Variants in KCNQ3 observed in about 807,000 individuals in gnomAD.
KCNQ3 encodes potassium voltage-gated channel subfamily Q member 3, also known as potassium voltage-gated channel subfamily KQT member 3.
A neutral mutation model predicts 92.5 loss-of-function variants in KCNQ3; 30 were observed. That is an observed-to-expected ratio of 0.32 (90% CI 0.24 to 0.44). KCNQ3 has a LOEUF of 0.44. KCNQ3 is among the 20% of genes least tolerant of loss of function. The pLI, the probability that KCNQ3 is intolerant of heterozygous loss-of-function variation, is 1.00. For synonymous variants in KCNQ3, 450 were observed against 468.8 expected (o/e 0.96, Z 0.52); for missense variants, 913 against 1,140.3 (o/e 0.80, Z 2.87).
In KCNQ3 at chr8:132,128,144, C is replaced by A. The variant is rs1824730901; in HGVS notation, c.*1118G>T. On this transcript the variant is annotated 3_prime_UTR_variant, in exon 15 of 15. Coordinates refer to ENST00000388996, the MANE Select transcript of KCNQ3 (RefSeq NM_004519.4). ...ATATCTTGACACAATCTCTAGGATG[C>A]ATTATATAAATGGAAGAATGGTGTG... 6.6e-6 allele frequency: 1 copy of A among 152,148 alleles called. No individual in the cohort carries two copies. Among genetic ancestry groups the A allele is most frequent in the African/African-American group, 2.4e-5 (1 of 41,456 alleles). 9.4% of individuals were successfully genotyped at this position (152,148 alleles called of 1,614,324 possible).
At chr8:132,236,868 A>G (rs568441918) in intron 1 of KCNQ3, among the ~76,000 whole-genome samples, 21 of 152,374 alleles carry the variant, frequency 1.4e-4, no homozygotes, top group African/African-American at 4.8e-4. Flanking sequence ...GAAGGGGACC[A>G]TGGGTCAGGG....
chr8:132,437,742 A>T (rs1821432736), intron 1 of KCNQ3, among the ~76,000 whole-genome samples: 1 of 152,190 alleles, frequency 6.6e-6, no homozygotes, highest in Non-Finnish European at 1.5e-5. Flanking sequence ...TTTTGAAGCC[A>T]TCCGTGATGC....
intron 1 of KCNQ3, among the ~76,000 whole-genome samples, chr8:132,383,121 C>G (rs547326546): frequency 2.0e-5 from 3 of 152,186 alleles, no homozygotes; most frequent in Non-Finnish European, 4.4e-5. Context: ...GCCCCACACC[C>G]AAACCATCCC....
chr8:132,345,325 A>G (rs1217709957), intron 1 of KCNQ3, among the ~76,000 whole-genome samples: 2 of 152,178 alleles, frequency 1.3e-5, no homozygotes, highest in Non-Finnish European at 1.5e-5. Context: ...GGTGAAATAC[A>G]TTTGGAACCT....
intron 9 of KCNQ3, among the ~76,000 whole-genome samples, chr8:132,145,326 A>T (rs1425058069): frequency 6.6e-6 from 1 of 152,240 alleles, no homozygotes; most frequent in Non-Finnish European, 1.5e-5. Flanking sequence ...GTAATAAAAC[A>T]TTCAATCTTC....
In KCNQ3 at chr8:132,334,680, T is replaced by C. The variant is rs188983000; in HGVS notation, c.386+145467A>G. 3.3e-5 allele frequency among the ~76,000 whole-genome samples: 5 copies of C among 152,364 alleles called. No individual in the cohort carries two copies. The East Asian group carries it at 7.7e-4, about 24-fold the overall frequency. ...CTTCCAGATGAGAATACCTCAGAGA[T>C]AACTGATCCTGGCAAGGAGGCAGGT... On this transcript the variant is annotated intron_variant, in intron 1 of 14. Transcript: ENST00000388996.
At chr8:132,449,341 C>G (rs970934419) in intron 1 of KCNQ3, among the ~76,000 whole-genome samples, 1 of 152,044 alleles carries the variant, frequency 6.6e-6, no homozygotes, top group Non-Finnish European at 1.5e-5. Flanking sequence ...CCAGTGGCCA[C>G]AGGATCGGAT....
chr8:132,426,069 C>T (rs1293841781), intron 1 of KCNQ3, among the ~76,000 whole-genome samples: 2 of 152,258 alleles, frequency 1.3e-5, no homozygotes, highest in Non-Finnish European at 2.9e-5. Context: ...ATTCCACAAG[C>T]TTTTGGCAGG....
At chr8:132,184,456 T>C (rs1014270924) in intron 2 of KCNQ3, 89 bp from the exon 3 acceptor site, 8 of 1,472,130 alleles carry the variant, frequency 5.4e-6, no homozygotes, top group Non-Finnish European at 6.5e-6. Flanking sequence ...TCTGAAGAAC[T>C]CCATTTTGTG....
chr8:132,268,112 C>A (rs556824021), intron 1 of KCNQ3, among the ~76,000 whole-genome samples: 1 of 152,306 alleles, frequency 6.6e-6, no homozygotes, highest in South Asian at 2.1e-4. Flanking sequence ...TCCCTCCCCA[C>A]CAGCTACTGA....
chr8:132,198,652 C>A (rs1262393463), intron 1 of KCNQ3, among the ~76,000 whole-genome samples: 1 of 151,954 alleles, frequency 6.6e-6, no homozygotes, highest in African/African-American at 2.4e-5. Context: ...ACTAAACATA[C>A]AAAAATTAGC....
intron 1 of KCNQ3, among the ~76,000 whole-genome samples, chr8:132,369,728 C>T (rs1819421494): frequency 6.6e-6 from 1 of 152,102 alleles, no homozygotes; most frequent in African/African-American, 2.4e-5. Context: ...GGTGGTAGAG[C>T]CAGGACTTAA....
chr8:132,317,581 A>T (rs1390305331), intron 1 of KCNQ3, among the ~76,000 whole-genome samples: 2 of 152,178 alleles, frequency 1.3e-5, no homozygotes, highest in Non-Finnish European at 2.9e-5. Flanking sequence ...GTTGAGAAGC[A>T]TCTGTGCTCT....
chr8:132,275,207 A>G (rs1433194417), intron 1 of KCNQ3, among the ~76,000 whole-genome samples: 11 of 152,210 alleles, frequency 7.2e-5, no homozygotes, highest in Admixed American at 7.2e-4. Context: ...GATAGTAGTC[A>G]CTCAATAAAT....
intron 7 of KCNQ3, 107 bp downstream of exon 7, chr8:132,172,491 A>C: frequency 9.9e-7 from 1 of 1,006,056 alleles, no homozygotes; most frequent in Non-Finnish European, 1.6e-6. Context: ...CCAGTTCATG[A>C]GTATGTCCCC....
intron 11 of KCNQ3, among the ~76,000 whole-genome samples, chr8:132,138,258 T>TA (rs1825171995): frequency 6.6e-6 from 1 of 152,236 alleles, no homozygotes; most frequent in Non-Finnish European, 1.5e-5. Context: ...TAATAAGAGC[T>TA]AACATTTATT....
At chr8:132,345,324 C>T (rs976457514) in intron 1 of KCNQ3, among the ~76,000 whole-genome samples, 1 of 152,158 alleles carries the variant, frequency 6.6e-6, no homozygotes, top group Non-Finnish European at 1.5e-5. Flanking sequence ...AGGTGAAATA[C>T]ATTTGGAACC....
chr8:132,434,868 C>T (rs535757815), intron 1 of KCNQ3, among the ~76,000 whole-genome samples: 21 of 152,294 alleles, frequency 1.4e-4, no homozygotes, highest in East Asian at 7.7e-4. Context: ...GAGGTGACCC[C>T]GGAAGAGGCT....
At chr8:132,382,550 T>C (rs890799345) in intron 1 of KCNQ3, among the ~76,000 whole-genome samples, 15 of 152,168 alleles carry the variant, frequency 9.9e-5, no homozygotes, top group African/African-American at 3.4e-4. Flanking sequence ...CAGTCTTAGG[T>C]ATTAATTTAT....
Sources: gnomAD v4.1 joint callset for allele counts (sites outside exome capture counted in the v4.1 genomes callset) on GRCh38, gnomAD v4.1.1 for gene constraint, MANE v1.5 for transcripts, NCBI Gene and HGNC (gene_info 2026-07-23, HGNC 2026-07-21) for gene names.